The following CRISPLD2 variants were observed in gnomAD, a reference collection of about 807,000 sequenced individuals.
CRISPLD2 encodes the protein cysteine rich secretory protein LCCL domain containing 2, also known as cysteine-rich secretory protein LCCL domain-containing 2.
CRISPLD2 carries 47 observed loss-of-function variants against 71.1 expected under a neutral mutation model. The ratio of observed to expected loss-of-function variants is 0.66; its 90% CI spans 0.52 to 0.84. The LOEUF is 0.84. Ranked by LOEUF, CRISPLD2 falls within the 40% of genes least tolerant of loss-of-function variation. The probability of loss-of-function intolerance (pLI) is 0.00; values close to 1 mark genes in which losing one functional copy is unlikely to be tolerated. For synonymous variants in CRISPLD2, 317 were observed against 250.1 expected, an observed-to-expected ratio of 1.27 and a Z score of -2.52; for missense variants, 830 against 651.1, an observed-to-expected ratio of 1.27 and a Z score of -2.99.
intron 6 of CRISPLD2, among the ~76,000 whole-genome samples, chr16:84,856,166 G>A (rs1003025700): frequency 2.6e-5 from 4 of 152,130 alleles, no homozygotes; most frequent in South Asian, 2.1e-4. Context: ...TTCCTAAAGG[G>A]TCTGGACCAT....
chr16:84,847,100 C>T (rs1916935221), intron 3 of CRISPLD2, among the ~76,000 whole-genome samples: 1 of 152,236 alleles, frequency 6.6e-6, no homozygotes, highest in Non-Finnish European at 1.5e-5. Context: ...GGATTGACAT[C>T]CATTTTGCCC....
At chr16:84,867,141 C>A in intron 7 of CRISPLD2, 101 bp downstream of exon 7, 1 of 1,285,468 alleles carries the variant, frequency 7.8e-7, no homozygotes, top group East Asian at 2.4e-5. Context: ...GTCTGCAAAT[C>A]CACAGGCAGT....
Position 84,861,744 on chromosome 16 carries a change from C to T in CRISPLD2, c.710-5153C>T, listed in dbSNP as rs990443555. Among the ~76,000 whole-genome samples, 12 of 152,128 alleles carry T rather than the reference C, an allele frequency of 7.9e-5. No homozygotes were observed. In the South Asian group the frequency reaches 1.0e-3, roughly 13 times the overall value. The stretch of plus-strand genomic sequence containing the variant: ...TTCTAGATCAGCCTGGACAACATAG[C>T]GAGAACCCATCTCTACAAAAAATAA... On this transcript the variant is annotated intron_variant, in intron 6 of 14. Transcript: ENST00000262424.
chr16:84,852,427 G>T (rs1235805896), intron 5 of CRISPLD2, among the ~76,000 whole-genome samples: 3 of 152,236 alleles, frequency 2.0e-5, no homozygotes, highest in Non-Finnish European at 4.4e-5. Context: ...GACCTCATAT[G>T]AAGGGGGCCA....
chr16:84,903,078 C>G (rs891547797), intron 14 of CRISPLD2, among the ~76,000 whole-genome samples: 2 of 152,026 alleles, frequency 1.3e-5, no homozygotes, highest in East Asian at 3.9e-4. Context: ...TAAAACCAGC[C>G]CATTTCTAAG....
At chr16:84,864,748 G>A (rs1378528581) in intron 6 of CRISPLD2, among the ~76,000 whole-genome samples, 1 of 152,212 alleles carries the variant, frequency 6.6e-6, no homozygotes, top group Admixed American at 6.5e-5. Flanking sequence ...GAGGCAGGCT[G>A]GCCCCTGGCC....
rs114559979 is a variant in CRISPLD2, at chr16:84,893,573, C to T, written c.1439+4210C>T. Reference sequence around the variant, plus strand: ...AGACCTCTGCCGTCATGGGATTTGCCATCTAGTGAGAGGACACAGTGCAGA... The same window carrying T: ...AGACCTCTGCCGTCATGGGATTTGCTATCTAGTGAGAGGACACAGTGCAGA... On this transcript the variant is annotated intron_variant, in intron 14 of 14. Coordinates refer to ENST00000262424, the MANE Select transcript of CRISPLD2 (RefSeq NM_031476.4). Among the ~76,000 whole-genome samples, 521 of 152,316 alleles carry T rather than the reference C, an allele frequency of 3.4e-3. 3 individuals carry two copies. The highest frequency in any genetic ancestry group is 0.012 in the African/African-American group (509 of 41,568).
intron 14 of CRISPLD2, among the ~76,000 whole-genome samples, chr16:84,891,436 AAG>A (rs1168704555): frequency 6.6e-6 from 1 of 152,124 alleles, no homozygotes; most frequent in Non-Finnish European, 1.5e-5. Flanking sequence ...GGCAGCCCTG[AAG>A]AGCCCAAGTA....
At chr16:84,885,905 A>G (rs887991425) in intron 13 of CRISPLD2, among the ~76,000 whole-genome samples, 2 of 146,264 alleles carry the variant, frequency 1.4e-5, no homozygotes, top group Non-Finnish European at 3.0e-5. Context: ...TGTGACCTCA[A>G]CCTCCTGGGC....
intron 10 of CRISPLD2, 141 bp from the exon 11 acceptor site, chr16:84,873,779 C>T: frequency 1.3e-6 from 1 of 792,186 alleles, no homozygotes. Flanking sequence ...TCTAAGAGCT[C>T]TCAGGCTGAT....
At chr16:84,840,310 A>T (rs1276219985) in intron 2 of CRISPLD2, among the ~76,000 whole-genome samples, 2 of 152,180 alleles carry the variant, frequency 1.3e-5, no homozygotes, top group African/African-American at 4.8e-5. Flanking sequence ...TTTAATCCTG[A>T]CAGTAATCCT....
chr16:84,821,104 A>G (rs1175627638), intron 1 of CRISPLD2, among the ~76,000 whole-genome samples: 2 of 152,182 alleles, frequency 1.3e-5, no homozygotes, highest in African/African-American at 2.4e-5. Flanking sequence ...TTGCCTTGCA[A>G]CCGAGAGTGG....
intron 14 of CRISPLD2, among the ~76,000 whole-genome samples, chr16:84,890,918 C>T (rs2071656466): frequency 6.6e-6 from 1 of 152,180 alleles, no homozygotes; most frequent in Admixed American, 6.5e-5. Flanking sequence ...AGGCATGCAC[C>T]ACCATGCCCG....
chr16:84,903,383 CGGCCAAGAGACCAGCCT>C (rs985084193), intron 14 of CRISPLD2, among the ~76,000 whole-genome samples: 5 of 151,884 alleles, frequency 3.3e-5, no homozygotes, highest in African/African-American at 9.7e-5. Context: ...GAGACCAGCC[CGGCCAAGAGACCAGCCT>C]GGCCAATATG....
intron 13 of CRISPLD2, among the ~76,000 whole-genome samples, chr16:84,881,527 C>G (rs1340017373): frequency 6.6e-6 from 1 of 152,232 alleles, no homozygotes; most frequent in African/African-American, 2.4e-5. Context: ...TCTTGTCAAG[C>G]TGTTTCCTTG....
intron 6 of CRISPLD2, among the ~76,000 whole-genome samples, chr16:84,865,506 C>A (rs1307109806): frequency 2.0e-5 from 3 of 152,136 alleles, no homozygotes; most frequent in African/African-American, 7.2e-5. Flanking sequence ...CGAGCGTGCT[C>A]TAGTTATTCT....
At chr16:84,887,589 A>G (rs191490825) in intron 13 of CRISPLD2, among the ~76,000 whole-genome samples, 111 of 152,302 alleles carry the variant, frequency 7.3e-4, no homozygotes, top group Admixed American at 3.1e-3. Context: ...TATAAATTTG[A>G]AGTCAGGCCG....
intron 14 of CRISPLD2, among the ~76,000 whole-genome samples, chr16:84,895,102 C>T (rs1309835727): frequency 6.9e-6 from 1 of 145,830 alleles, no homozygotes; most frequent in Non-Finnish European, 1.5e-5. Flanking sequence ...TCCACCAGCT[C>T]TGCACACGTT....
At chr16:84,821,365 GGTGTGTGACTGT>G (rs1916227107) in intron 1 of CRISPLD2, among the ~76,000 whole-genome samples, 1 of 152,196 alleles carries the variant, frequency 6.6e-6, no homozygotes, top group Admixed American at 6.5e-5. Context: ...AGAAGGGGTG[GGTGTGTGACTGT>G]GTTGCCTGTG....
Sources: allele counts gnomAD v4.1 joint callset (sites outside exome capture counted in the v4.1 genomes callset), GRCh38; gene constraint gnomAD v4.1.1; transcripts MANE v1.5; gene names NCBI Gene and HGNC (gene_info 2026-07-23, HGNC 2026-07-21).